C3orf49: variants seen among roughly 807,000 people sequenced by gnomAD.
The protein encoded by C3orf49 is chromosome 3 open reading frame 49, also known as putative uncharacterized protein C3orf49.
C3orf49 carries 27 observed loss-of-function variants against 13.3 expected under a neutral mutation model. The observed-to-expected ratio is 2.02, with a 90% CI of 1.49 to 2.79. The LOEUF (loss-of-function observed/expected upper bound fraction) is 2.79, where lower values mean the gene tolerates loss of function less well. Ranked by LOEUF, C3orf49 falls within the 30% of genes most tolerant of loss-of-function variation. The probability of loss-of-function intolerance (pLI) is 0.00; values close to 1 mark genes in which losing one functional copy is unlikely to be tolerated. For synonymous variants in C3orf49, 87 were observed against 47.6 expected, an observed-to-expected ratio of 1.83 and a Z score of -3.40; for missense variants, 242 against 134.2, an observed-to-expected ratio of 1.80 and a Z score of -3.97.
At position 63,836,402 on chromosome 3, in the gene C3orf49, T is replaced by C. The variant is rs371821963; in HGVS notation, c.849+4558T>C. On this transcript the variant is annotated intron_variant, in intron 5 of 6. Transcript: ENST00000295896. ...TTTATCAAACTAAGGATTTTTTGAA[T>C]GTGAATTATCAAAACAAAATGTGTA... 6.3e-6 allele frequency: 10 copies of C among 1,585,826 alleles called. No individual in the cohort carries two copies. In the African/African-American group the frequency reaches 1.1e-4, roughly 17 times the overall value.
upstream of C3orf49, among the ~76,000 whole-genome samples, chr3:63,817,462 T>A (rs1701337830): frequency 6.6e-6 from 1 of 152,110 alleles, no homozygotes; most frequent in African/African-American, 2.4e-5. Context: ...CACTAGGCAT[T>A]CAAATATTTG....
At chr3:63,833,820 T>G in intron 5 of C3orf49, 1 of 219,804 alleles carries the variant, frequency 4.5e-6, no homozygotes, top group Non-Finnish European at 8.8e-6. Context: ...TGTAAGCCAA[T>G]CAATGTTACC....
At chr3:63,822,392 AAT>A (rs1701409804) in intron 1 of C3orf49, among the ~76,000 whole-genome samples, 1 of 152,226 alleles carries the variant, frequency 6.6e-6, no homozygotes, top group African/African-American at 2.4e-5. Context: ...GCTAACAAAA[AAT>A]AGTTAATTGA....
At chr3:63,821,914 C>T (rs1429273679) in intron 1 of C3orf49, among the ~76,000 whole-genome samples, 1 of 151,932 alleles carries the variant, frequency 6.6e-6, no homozygotes, top group Non-Finnish European at 1.5e-5. Flanking sequence ...TATAGTTTTG[C>T]AAGATGTCAT....
At chr3:63,786,248 CTG>C in the C3orf49 span, among the ~76,000 whole-genome samples, 1 of 151,922 alleles carries the variant, frequency 6.6e-6, no homozygotes, top group South Asian at 2.1e-4. Flanking sequence ...ATGTTCGTAA[CTG>C]ATGATGATGA....
intron 3 of C3orf49, 79 bp downstream of exon 3, chr3:63,827,804 T>C: frequency 1.5e-6 from 1 of 662,484 alleles, no homozygotes; most frequent in Non-Finnish European, 2.7e-6. Flanking sequence ...CCAAGTTCTG[T>C]CCTACCATGA....
chr3:63,835,790 T>C (rs1701619978), intron 5 of C3orf49, among the ~76,000 whole-genome samples: 1 of 152,094 alleles, frequency 6.6e-6, no homozygotes. Context: ...TTATCTCCTC[T>C]ACCTCCCACT....
the C3orf49 span, among the ~76,000 whole-genome samples, chr3:63,793,449 A>C: frequency 6.6e-6 from 1 of 151,440 alleles, no homozygotes; most frequent in Non-Finnish European, 1.5e-5. Flanking sequence ...TTTCCCTTTC[A>C]CATTTCTCTG....
chr3:63,799,532 A>T, the C3orf49 span, among the ~76,000 whole-genome samples: 33 of 152,290 alleles, frequency 2.2e-4, no homozygotes, highest in East Asian at 6.4e-3. Flanking sequence ...TTTTCTATCA[A>T]TTCATTAGCT....
chr3:63,846,280 C>T (rs1180689575), intron 6 of C3orf49: 1 of 428,414 alleles, frequency 2.3e-6, no homozygotes, highest in Admixed American at 2.6e-5. Flanking sequence ...GGAGATAATC[C>T]CCAAGCGACT....
rs1322279157 is a variant in C3orf49, at chr3:63,819,404, G to A, written c.-68G>A. 3 of 683,970 alleles carry A rather than the reference G, an allele frequency of 4.4e-6. No homozygotes were observed. Among genetic ancestry groups the A allele is most frequent in the South Asian group, 1.5e-5 (1 of 65,066 alleles). The allele number at this position is 683,970 out of a possible 1,614,324, so 42.4% of individuals were successfully genotyped here. A position where few individuals can be genotyped will look rare whatever the true frequency, so the allele number is the denominator to read the frequency against. ...GTACATTCAGTCACTGGATGATTTTGTATTGAAGTCTGTAAGTTCAAGAAC... is the reference window on the plus strand; with the variant it reads ...GTACATTCAGTCACTGGATGATTTTATATTGAAGTCTGTAAGTTCAAGAAC... On this transcript the variant is annotated 5_prime_UTR_variant, in exon 1 of 7. Transcript: ENST00000295896.
the C3orf49 span, among the ~76,000 whole-genome samples, chr3:63,808,471 TTC>T: frequency 6.6e-6 from 1 of 152,238 alleles, no homozygotes; most frequent in African/African-American, 2.4e-5. Flanking sequence ...CTTTGTATTT[TTC>T]TCTGTTTTCT....
At chr3:63,830,837 G>C (rs369086048) in intron 3 of C3orf49, among the ~76,000 whole-genome samples, 1 of 152,100 alleles carries the variant, frequency 6.6e-6, no homozygotes, top group African/African-American at 2.4e-5. Context: ...CCTTACGAAT[G>C]ACCTGCTTTT....
the C3orf49 span, among the ~76,000 whole-genome samples, chr3:63,795,659 C>A: frequency 6.6e-6 from 1 of 152,114 alleles, no homozygotes; most frequent in Non-Finnish European, 1.5e-5. Context: ...ACACTGTGTA[C>A]AAACTGGTAA....
intron 3 of C3orf49, among the ~76,000 whole-genome samples, chr3:63,829,837 C>G (rs906996584): frequency 6.6e-6 from 1 of 152,000 alleles, no homozygotes; most frequent in African/African-American, 2.4e-5. Flanking sequence ...TGGTGGTACA[C>G]ACTTTTAGTC....
At chr3:63,803,863 A>G in the C3orf49 span, among the ~76,000 whole-genome samples, 1 of 152,094 alleles carries the variant, frequency 6.6e-6, no homozygotes, top group African/African-American at 2.4e-5. Flanking sequence ...ATTGTAATAT[A>G]TAATACAATT....
At chr3:63,825,353 A>G (rs1354688575) in intron 2 of C3orf49, among the ~76,000 whole-genome samples, 1 of 152,230 alleles carries the variant, frequency 6.6e-6, no homozygotes, top group Admixed American at 6.5e-5. Flanking sequence ...CCAGCCGACT[A>G]CTTTCAAACA....
At chr3:63,843,561 C>T (rs1701816106) in intron 5 of C3orf49, among the ~76,000 whole-genome samples, 1 of 152,038 alleles carries the variant, frequency 6.6e-6, no homozygotes, top group Non-Finnish European at 1.5e-5. Flanking sequence ...TCACAATAGC[C>T]AAGGTATGGA....
intron 5 of C3orf49, among the ~76,000 whole-genome samples, chr3:63,836,997 T>A (rs1029895765): frequency 6.6e-6 from 1 of 151,946 alleles, no homozygotes; most frequent in Non-Finnish European, 1.5e-5. Context: ...TAAGTTGGTA[T>A]ATGTTACTGT....
Sources: gnomAD v4.1 joint callset for allele counts (sites outside exome capture counted in the v4.1 genomes callset) on GRCh38, gnomAD v4.1.1 for gene constraint, MANE v1.5 for transcripts, NCBI Gene and HGNC (gene_info 2026-07-23, HGNC 2026-07-21) for gene names.